Variants in NTN1 observed in about 807,000 individuals in gnomAD.
The protein encoded by NTN1 is netrin 1, also known as netrin-1.
A neutral mutation model predicts 54.2 loss-of-function variants in NTN1; 11 were observed. That is an observed-to-expected ratio of 0.20 (90% CI 0.13 to 0.34). NTN1 has a LOEUF of 0.34. Ranked by LOEUF, NTN1 falls within the 10% of genes least tolerant of loss-of-function variation. The pLI is 1.00. For synonymous variants in NTN1, 371 were observed against 382.0 expected (o/e 0.97, Z 0.33); for missense variants, 740 against 893.1 (o/e 0.83, Z 2.18).
rs1905105846 is a variant in NTN1, at chr17:9,211,490, A to G, written c.1412-9678A>G. Among the ~76,000 whole-genome samples, 1 of 152,156 alleles carries G rather than the reference A, an allele frequency of 6.6e-6. No homozygotes were observed. The highest frequency in any genetic ancestry group is 1.5e-5 in the Non-Finnish European group (1 of 68,026). On this transcript the variant is annotated intron_variant, in intron 5 of 6. Transcript: ENST00000173229. The surrounding 1 kb of genome is among the most constrained non-coding windows in gnomAD (Gnocchi z 4.4). ...CTGCTGTGATGCCACCCACTGCTCC[A>G]TTAGCCTTGGGGATCACCCAGTGCC...
At chr17:9,230,077 C>G (rs3786000) in intron 6 of NTN1, among the ~76,000 whole-genome samples, 67,293 of 151,946 alleles carry the variant, frequency 0.44, 15,161 homozygotes, top group East Asian at 0.62. Context: ...TCCCCCTCAG[C>G]AGCACCCTCT....
chr17:9,079,747 C>T (rs1216593304), intron 2 of NTN1, among the ~76,000 whole-genome samples: 1 of 150,428 alleles, frequency 6.6e-6, no homozygotes, highest in African/African-American at 2.5e-5. Flanking sequence ...GGAAGTGGTT[C>T]CCCAGTGGAC....
At chr17:9,063,023 C>CTTTTCT (rs2092003696) in intron 2 of NTN1, among the ~76,000 whole-genome samples, 1 of 151,782 alleles carries the variant, frequency 6.6e-6, no homozygotes. Context: ...ATGAGACTAT[C>CTTTTCT]TTTTCTTTTT....
chr17:9,016,635 T>C (rs768686800), upstream of NTN1, among the ~76,000 whole-genome samples: 2 of 152,226 alleles, frequency 1.3e-5, no homozygotes, highest in African/African-American at 2.4e-5. Flanking sequence ...GGCTACCATA[T>C]TGAACAGCAC....
intron 3 of NTN1, among the ~76,000 whole-genome samples, chr17:9,169,604 C>T (rs2142305640): frequency 6.6e-6 from 1 of 152,342 alleles, no homozygotes; most frequent in Admixed American, 6.5e-5. Context: ...GTGGCTCACG[C>T]CTGTAATCCC....
At chr17:9,080,260 A>G (rs1360683718) in intron 2 of NTN1, among the ~76,000 whole-genome samples, 2 of 152,112 alleles carry the variant, frequency 1.3e-5, no homozygotes, top group African/African-American at 4.8e-5. Flanking sequence ...GGACCTCTCT[A>G]TCCCCTCTGG....
intron 2 of NTN1, among the ~76,000 whole-genome samples, chr17:9,089,464 T>C (rs2092101758): frequency 6.6e-6 from 1 of 152,112 alleles, no homozygotes; most frequent in Non-Finnish European, 1.5e-5. Context: ...CTCCAATTTC[T>C]ACTTTTTATA....
At chr17:9,156,678 A>AG (rs1352189999) in intron 2 of NTN1, among the ~76,000 whole-genome samples, 1 of 152,234 alleles carries the variant, frequency 6.6e-6, no homozygotes, top group African/African-American at 2.4e-5. Context: ...GGAAGAGTCC[A>AG]GGGGACTTAG....
chr17:9,240,776 G>C lies in NTN1; in HGVS notation c.*808G>C, dbSNP rs1411077981. The C allele has an allele frequency of 6.6e-6, 1 of 152,600 alleles. No homozygotes were observed. Among genetic ancestry groups the C allele is most frequent in the African/African-American group, 2.4e-5 (1 of 41,454 alleles). The allele number at this position is 152,600 out of a possible 1,614,324, so 9.5% of individuals were successfully genotyped here. On this transcript the variant is annotated 3_prime_UTR_variant, in exon 7 of 7. Transcript: ENST00000173229. Reference sequence around the variant, plus strand: ...GCCCAGCGTGGGGCTGGCCCATCCGGAAGGCAGTGGGCCCAGGGACACCCC... The same window carrying C: ...GCCCAGCGTGGGGCTGGCCCATCCGCAAGGCAGTGGGCCCAGGGACACCCC...
chr17:9,146,553 C>T (rs147383708), intron 2 of NTN1, among the ~76,000 whole-genome samples: 1 of 152,292 alleles, frequency 6.6e-6, no homozygotes, highest in African/African-American at 2.4e-5. Context: ...TACCTCCCAT[C>T]GCCTTCTGCT....
At chr17:9,019,012 A>ATC (rs1006109469), upstream of NTN1, among the ~76,000 whole-genome samples, 3 of 152,328 alleles carry the variant, frequency 2.0e-5, no homozygotes, top group African/African-American at 7.2e-5. Context: ...GTCTGTTTTT[A>ATC]TCTCATGGAC....
In NTN1 at chr17:9,071,501, C is replaced by A. The variant is rs562569115; in HGVS notation, c.1018+48110C>A. Among the ~76,000 whole-genome samples the A allele has an allele frequency of 1.1e-4, 16 of 151,846 alleles. No individual in the cohort carries two copies. The East Asian group carries it at 1.2e-3, about 11-fold the overall frequency. On this transcript the variant is annotated intron_variant, in intron 2 of 6. Coordinates refer to ENST00000173229, the MANE Select transcript of NTN1 (RefSeq NM_004822.3). ...GAAGTTTAAAAATTAAAAAAAAAAA[C>A]CATAAAACAATGTTTGCAAAAAATG...
At chr17:9,147,509 G>A (rs573521407) in intron 2 of NTN1, among the ~76,000 whole-genome samples, 2 of 152,178 alleles carry the variant, frequency 1.3e-5, no homozygotes, top group South Asian at 2.1e-4. Flanking sequence ...GAGAGACTCC[G>A]TCTCAAAAAA....
rs1163733562 is a variant in NTN1, at chr17:9,060,841, T to G, written c.1018+37450T>G. Among the ~76,000 whole-genome samples, 5 of 152,018 alleles carry G rather than the reference T, an allele frequency of 3.3e-5. No individual in the cohort carries two copies. The South Asian group carries it at 1.0e-3, about 32-fold the overall frequency. ...AAATACAAAAATTAACTGGGCATGG[T>G]GGCGCGTGCCTGTAGTCCAAGCTAC... On this transcript the variant is annotated intron_variant, in intron 2 of 6. Transcript: ENST00000173229.
At chr17:9,190,384 A>T (rs112643976) in intron 5 of NTN1, among the ~76,000 whole-genome samples, 1 of 152,220 alleles carries the variant, frequency 6.6e-6, no homozygotes, top group African/African-American at 2.4e-5. Context: ...ATGAAACACG[A>T]TTCCTAAATT....
intron 2 of NTN1, among the ~76,000 whole-genome samples, chr17:9,149,944 G>A (rs1415405348): frequency 6.6e-6 from 1 of 152,100 alleles, no homozygotes; most frequent in Admixed American, 6.5e-5. Context: ...GCGCACACCT[G>A]CAATCCCAGC....
intron 2 of NTN1, among the ~76,000 whole-genome samples, chr17:9,032,796 G>A (rs1026543357): frequency 3.3e-4 from 50 of 152,066 alleles, no homozygotes; most frequent in Non-Finnish European, 6.9e-4. Context: ...AGACCTCAGA[G>A]GTGGGCAGGT....
At chr17:9,209,240 G>GA (rs1905039524) in intron 5 of NTN1, among the ~76,000 whole-genome samples, 1 of 152,216 alleles carries the variant, frequency 6.6e-6, no homozygotes, top group Admixed American at 6.5e-5. Context: ...TCATAGGTTG[G>GA]ATGTGAACCC....
intron 1 of NTN1, 112 bp from the exon 2 acceptor site, chr17:9,022,199 C>G: frequency 1.4e-6 from 1 of 700,526 alleles, no homozygotes; most frequent in Non-Finnish European, 2.0e-6. Context: ...CAGTCGGCTG[C>G]GGGGTGGGTG....
Sources: gnomAD v4.1 joint callset for allele counts (sites outside exome capture counted in the v4.1 genomes callset) on GRCh38, gnomAD v4.1.1 for gene constraint, Gnocchi (gnomAD v3.1) non-coding constraint, MANE v1.5 for transcripts, NCBI Gene and HGNC (gene_info 2026-07-23, HGNC 2026-07-21) for gene names.